FAM20C: variants seen among roughly 807,000 people sequenced by gnomAD.
FAM20C encodes the protein extracellular serine/threonine protein kinase FAM20C.
A neutral mutation model predicts 51.5 loss-of-function variants in FAM20C; 40 were observed. The ratio of observed to expected loss-of-function variants is 0.78; its 90% CI spans 0.60 to 1.01. The LOEUF is 1.01. Ranked by LOEUF, FAM20C falls within the 50% of genes least tolerant of loss-of-function variation. The probability of loss-of-function intolerance (pLI) is 0.00; values close to 1 mark genes in which losing one functional copy is unlikely to be tolerated. For missense variants in FAM20C, 861 were observed against 844.7 expected (o/e 1.02, Z -0.24); for synonymous variants, 406 against 380.6 (o/e 1.07, Z -0.78).
chr7:255,889 C>G lies in FAM20C; in HGVS notation c.1113C>G (p.Cys371Trp). The G allele has an allele frequency of 1.3e-6, 2 of 1,536,464 alleles. No individual in the cohort carries two copies. The highest frequency in any genetic ancestry group is 1.7e-6 in the Non-Finnish European group (2 of 1,146,870). ...ICFYGECSYY[C>W]STEHALCGKP... ...TCTACGGCGAGTGTTCCTACTACTGCTCCACGGAGCACGCCCTGTGCGGGA... is the reference window on the plus strand; with the variant it reads ...TCTACGGCGAGTGTTCCTACTACTGGTCCACGGAGCACGCCCTGTGCGGGA... The change falls in exon 6 of 10, where the codon TGC becomes TGG. Residue 371 changes from cysteine (C) to tryptophan (W), a missense_variant. Around this residue, in one of 3 missense-constraint regions of FAM20C, gnomAD observed 31 missense variants for 61.1 expected, o/e 0.51. Coordinates refer to ENST00000313766, the MANE Select transcript of FAM20C (RefSeq NM_020223.4).
At chr7:256,114 C>G in intron 6 of FAM20C, 85 bp downstream of exon 6, 1 of 1,469,492 alleles carries the variant, frequency 6.8e-7, no homozygotes, top group South Asian at 1.3e-5. Context: ...GGTCGGCGCC[C>G]ACGGGGGTGG....
intron 3 of FAM20C, among the ~76,000 whole-genome samples, chr7:230,415 G>C (rs1022907741): frequency 6.9e-6 from 1 of 145,002 alleles, no homozygotes; most frequent in Admixed American, 6.9e-5. Context: ...AAGTGCCCCT[G>C]TCTGTGGTTA....
intron 3 of FAM20C, among the ~76,000 whole-genome samples, chr7:214,286 C>G (rs1017058794): frequency 6.6e-6 from 1 of 151,932 alleles, no homozygotes; most frequent in South Asian, 2.1e-4. Flanking sequence ...GATCACGCCA[C>G]CGCACTCCAG....
At chr7:210,283 A>G (rs750906387) in intron 3 of FAM20C, among the ~76,000 whole-genome samples, 34 of 152,152 alleles carry the variant, frequency 2.2e-4, no homozygotes, top group Admixed American at 5.2e-4. Flanking sequence ...TGTGAAACTC[A>G]GCCTCCTTGG....
intron 3 of FAM20C, among the ~76,000 whole-genome samples, chr7:218,874 G>A (rs1263770784): frequency 4.6e-5 from 7 of 151,142 alleles, no homozygotes; most frequent in South Asian, 2.1e-4. Flanking sequence ...GATCACTCCT[G>A]TCCGGCCGGG....
chr7:252,878 C>T (rs1342093481), intron 5 of FAM20C, among the ~76,000 whole-genome samples: 8 of 152,256 alleles, frequency 5.3e-5, no homozygotes, highest in African/African-American at 1.4e-4. Flanking sequence ...CTACTTCTCA[C>T]GTAAGTTACC....
intron 3 of FAM20C, 104 bp from the exon 4 acceptor site, chr7:246,311 C>G (rs1162064177): frequency 1.0e-6 from 1 of 965,546 alleles, no homozygotes; most frequent in Non-Finnish European, 1.6e-6. Flanking sequence ...GGCTGGAGCT[C>G]CACCGCATTT....
chr7:255,782 C>A (rs1441055517), intron 5 of FAM20C, 67 bp from the exon 6 acceptor site: 1 of 1,512,754 alleles, frequency 6.6e-7, no homozygotes, highest in East Asian at 2.5e-5. Context: ...GCCTTGGGGG[C>A]CGTGAGACCA....
At chr7:257,414 C>A in intron 8 of FAM20C, 1 of 273,432 alleles carries the variant, frequency 3.7e-6, no homozygotes, top group Non-Finnish European at 6.9e-6. Context: ...TCTGCCTGCA[C>A]GCGGTACCTG....
At chr7:234,017 C>T (rs1224301019) in intron 3 of FAM20C, among the ~76,000 whole-genome samples, 1 of 152,146 alleles carries the variant, frequency 6.6e-6, no homozygotes, top group Non-Finnish European at 1.5e-5. Flanking sequence ...CCTGGGCAGA[C>T]CCCAGAAGAT....
At chr7:255,211 C>T (rs531483288) in intron 5 of FAM20C, among the ~76,000 whole-genome samples, 6 of 152,336 alleles carry the variant, frequency 3.9e-5, no homozygotes, top group South Asian at 2.1e-4. Flanking sequence ...CCGCCAGCAG[C>T]GCACAGAGGT....
chr7:195,305 G>T lies in FAM20C; in HGVS notation c.606-249G>T, dbSNP rs557462010. On this transcript the variant is annotated intron_variant, in intron 1 of 9. Coordinates refer to ENST00000313766, the MANE Select transcript of FAM20C (RefSeq NM_020223.4). ...TGGAATTAGTTTTGCTGTAGTTAGA[G>T]CTGTCTGTGGTGTCTCCAGAGGGTG... The T allele has an allele frequency of 1.2e-5, 5 of 410,832 alleles. No individual in the cohort carries two copies. The South Asian group carries it at 4.6e-4, about 38-fold the overall frequency. 25.4% of individuals were successfully genotyped at this position (410,832 alleles called of 1,614,324 possible). A position where few individuals can be genotyped will look rare whatever the true frequency, so the allele number is the denominator to read the frequency against.
intron 3 of FAM20C, among the ~76,000 whole-genome samples, chr7:235,298 C>T (rs1313384635): frequency 6.6e-6 from 1 of 152,070 alleles, no homozygotes; most frequent in Non-Finnish European, 1.5e-5. Flanking sequence ...CTGGGGTATC[C>T]GGCGCCTTCT....
intron 4 of FAM20C, among the ~76,000 whole-genome samples, chr7:247,926 C>T (rs1788233800): frequency 6.6e-6 from 1 of 152,266 alleles, no homozygotes; most frequent in Non-Finnish European, 1.5e-5. Context: ...AGCTCTCGCC[C>T]TGCATTCTCC....
intron 3 of FAM20C, among the ~76,000 whole-genome samples, chr7:237,837 A>AGTG (rs1787894633): frequency 8.9e-3 from 1 of 112 alleles, no homozygotes; most frequent in African/African-American, 0.018. Context: ...TAATAGTGAT[A>AGTG]GTGATGATGN....
chr7:230,444 C>T (rs370734757), intron 3 of FAM20C, among the ~76,000 whole-genome samples: 14 of 150,280 alleles, frequency 9.3e-5, no homozygotes, highest in South Asian at 2.1e-4. Flanking sequence ...AGCAGAGCCT[C>T]GTGGCTGGAC....
chr7:207,108 CCGCACACG>C (rs1407132955), intron 2 of FAM20C, among the ~76,000 whole-genome samples: 674 of 28,350 alleles, frequency 0.024, 320 homozygotes, highest in Non-Finnish European at 0.037. Context: ...CCCCTCGGCC[CCGCACACG>C]TGTCCACTGT....
At chr7:206,764 G>A (rs373540206) in intron 2 of FAM20C, among the ~76,000 whole-genome samples, 30 of 128,742 alleles carry the variant, frequency 2.3e-4, no homozygotes, top group African/African-American at 5.0e-4. Flanking sequence ...ACTGTGACGC[G>A]TCTGTCACGG....
chr7:201,367 T>A (rs1786119890), intron 2 of FAM20C, among the ~76,000 whole-genome samples: 1 of 151,960 alleles, frequency 6.6e-6, no homozygotes, highest in Non-Finnish European at 1.5e-5. Context: ...CTGTAGGAGG[T>A]GGAACTGGTT....
Sources: allele counts gnomAD v4.1 joint callset (sites outside exome capture counted in the v4.1 genomes callset), GRCh38; gene constraint gnomAD v4.1.1; regional missense constraint gnomAD v4.1.1; transcripts MANE v1.5; gene names NCBI Gene and HGNC (gene_info 2026-07-23, HGNC 2026-07-21).